Variants in NTN4 observed in about 807,000 individuals in gnomAD.
NTN4 encodes netrin-4.
Under a neutral mutation model 73.6 loss-of-function variants are expected in NTN4, and 32 were observed. The ratio of observed to expected loss-of-function variants is 0.44; its 90% CI spans 0.33 to 0.58. The LOEUF (loss-of-function observed/expected upper bound fraction) is 0.58. Among genes scored for constraint, NTN4 ranks in the 20% least tolerant of loss-of-function variants. NTN4 has a pLI of 0.04. For missense variants in NTN4, 654 were observed against 798.3 expected, an observed-to-expected ratio of 0.82 and a Z score of 2.18; for synonymous variants, 258 against 287.5, an observed-to-expected ratio of 0.90 and a Z score of 1.04.
rs558316689 is a variant in NTN4, at chr12:95,659,032, A to T, written c.*54T>A. Reference sequence around the variant, plus strand: ...TTCCTGTCTGAGGTCTTCTTGCTCTAAAGTTTGTGTTTTGTACATAGACAA... The same window carrying T: ...TTCCTGTCTGAGGTCTTCTTGCTCTTAAGTTTGTGTTTTGTACATAGACAA... On this transcript the variant is annotated 3_prime_UTR_variant, in exon 10 of 10. Transcript: ENST00000343702. 2 of 1,518,252 alleles carry T rather than the reference A, an allele frequency of 1.3e-6. No individual in the cohort carries two copies. Among genetic ancestry groups the T allele is most frequent in the Admixed American group, 4.4e-5 (2 of 45,462 alleles). The allele number at this position is 1,518,252 out of a possible 1,614,324, so 94.0% of individuals were successfully genotyped here. A position where few individuals can be genotyped will look rare whatever the true frequency, so the allele number is the denominator to read the frequency against.
intron 2 of NTN4, among the ~76,000 whole-genome samples, chr12:95,769,779 G>T (rs187717400): frequency 3.0e-4 from 36 of 120,746 alleles, no homozygotes; most frequent in South Asian, 1.4e-3. Context: ...TTTTTGAGAC[G>T]GAGTTTCACT....
chr12:95,753,554 C>T (rs2078925941), intron 2 of NTN4, among the ~76,000 whole-genome samples: 2 of 148,494 alleles, frequency 1.3e-5, no homozygotes, highest in South Asian at 2.2e-4. Context: ...CACCTCTATA[C>T]AGTCTGATAA....
chr12:95,668,394 AT>A (rs1362980160), intron 8 of NTN4, among the ~76,000 whole-genome samples: 1 of 152,206 alleles, frequency 6.6e-6, no homozygotes, highest in Non-Finnish European at 1.5e-5. Context: ...TTTGAACTAA[AT>A]TATCATATTC....
intron 3 of NTN4, among the ~76,000 whole-genome samples, chr12:95,726,202 T>C (rs1486320093): frequency 6.6e-6 from 1 of 152,170 alleles, no homozygotes; most frequent in Non-Finnish European, 1.5e-5. Flanking sequence ...GTACAGTCAT[T>C]ACCACCATCT....
intron 5 of NTN4, among the ~76,000 whole-genome samples, chr12:95,707,809 C>T (rs1360008586): frequency 6.6e-6 from 1 of 152,118 alleles, no homozygotes; most frequent in African/African-American, 2.4e-5. Flanking sequence ...CAAGGAAATG[C>T]TATATAACTG....
intron 2 of NTN4, among the ~76,000 whole-genome samples, chr12:95,753,247 T>C (rs1201141055): frequency 6.6e-6 from 1 of 151,714 alleles, no homozygotes; most frequent in Non-Finnish European, 1.5e-5. Flanking sequence ...TTCCTTTCCA[T>C]TGTGGAAATC....
chr12:95,776,508 A>G (rs1330638357), intron 2 of NTN4, among the ~76,000 whole-genome samples: 5 of 152,258 alleles, frequency 3.3e-5, no homozygotes, highest in African/African-American at 1.2e-4. Flanking sequence ...GAACTACGTG[A>G]CACATGCATA....
intron 2 of NTN4, among the ~76,000 whole-genome samples, chr12:95,761,816 G>GT (rs1460539494): frequency 1.3e-5 from 2 of 151,990 alleles, no homozygotes; most frequent in Admixed American, 6.6e-5. Flanking sequence ...TTAACACATA[G>GT]TTTTTTTCTT....
At chr12:95,739,517 A>G (rs2121181443) in intron 2 of NTN4, among the ~76,000 whole-genome samples, 1 of 152,338 alleles carries the variant, frequency 6.6e-6, no homozygotes, top group East Asian at 1.9e-4. Context: ...CAACAGCTAG[A>G]ACATGATTTT....
chr12:95,708,985 A>G (rs186115368), intron 5 of NTN4, among the ~76,000 whole-genome samples: 1 of 152,306 alleles, frequency 6.6e-6, no homozygotes, highest in African/African-American at 2.4e-5. Context: ...GCTGGGAGAA[A>G]TATTATGACA....
intron 1 of NTN4, among the ~76,000 whole-genome samples, chr12:95,788,919 T>C (rs946498703): frequency 6.6e-6 from 1 of 152,190 alleles, no homozygotes; most frequent in Non-Finnish European, 1.5e-5. Flanking sequence ...ACTTGCCTTG[T>C]GATGTTTATT....
chr12:95,672,793 C>T, intron 7 of NTN4: 2 of 1,324,946 alleles, frequency 1.5e-6, no homozygotes, highest in Non-Finnish European at 2.2e-6. Context: ...TGCCAGCGCT[C>T]TGCCCTTTTG....
chr12:95,662,013 A>G (rs1274513035), intron 9 of NTN4, among the ~76,000 whole-genome samples: 4 of 152,220 alleles, frequency 2.6e-5, no homozygotes, highest in South Asian at 2.1e-4. Context: ...GGTAAAGCTT[A>G]TTAACAGAAT....
In NTN4 at chr12:95,670,082, T is replaced by C. The variant is rs575261170; in HGVS notation, c.1575A>G (p.Ser525=). Residue 525 remains serine, a synonymous_variant, in exon 8 of 10, where the codon TCA becomes TCG. Transcript: ENST00000343702. ...ATTCAAGGATTTCAGACTCACCATA[T>C]GAATATTTCATTCCACAGAATGCCT... ...NAKAFCGMKY[S]YVLKIKILSA... 14 of 1,584,850 alleles carry C rather than the reference T, an allele frequency of 8.8e-6. No individual in the cohort carries two copies. In the East Asian group the frequency reaches 2.5e-4, roughly 28 times the overall value.
chr12:95,764,879 T>C (rs2079010656), intron 2 of NTN4, among the ~76,000 whole-genome samples: 2 of 152,126 alleles, frequency 1.3e-5, no homozygotes, highest in Non-Finnish European at 2.9e-5. Flanking sequence ...TAAGAGAGAT[T>C]TTTTTAAAGC....
intron 9 of NTN4, among the ~76,000 whole-genome samples, chr12:95,663,132 A>AG (rs2078151453): frequency 6.6e-6 from 1 of 151,808 alleles, no homozygotes. Flanking sequence ...AAAAAAGAAA[A>AG]AAAAAGAAAG....
chr12:95,727,679 C>T (rs1455920994), intron 3 of NTN4, among the ~76,000 whole-genome samples: 12 of 152,178 alleles, frequency 7.9e-5, no homozygotes, highest in African/African-American at 2.9e-4. Context: ...TTGGCCAGTA[C>T]CACACTGTTT....
At position 95,659,234 on chromosome 12, in the gene NTN4, C is replaced by A. The variant is rs1459498352; in HGVS notation, c.1751-12G>T. On this transcript the variant is annotated splice_polypyrimidine_tract_variant and intron_variant, in intron 9 of 9. Coordinates refer to ENST00000343702, the MANE Select transcript of NTN4 (RefSeq NM_021229.4). ...AAGGTATTCCAAACCTAAAAAAGAACAAAATTAGGGGCTATACAGTATCAT... is the reference window on the plus strand; with the variant it reads ...AAGGTATTCCAAACCTAAAAAAGAAAAAAATTAGGGGCTATACAGTATCAT... The A allele has an allele frequency of 1.9e-6, 3 of 1,604,004 alleles. No individual in the cohort carries two copies. Among genetic ancestry groups the A allele is most frequent in the Non-Finnish European group, 2.6e-6 (3 of 1,175,466 alleles).
intron 5 of NTN4, among the ~76,000 whole-genome samples, chr12:95,701,409 C>T (rs2078483850): frequency 6.6e-6 from 1 of 151,998 alleles, no homozygotes; most frequent in Non-Finnish European, 1.5e-5. Context: ...ATGCACTGTC[C>T]TTTCAAAAAT....
Sources: gnomAD v4.1 joint callset for allele counts (sites outside exome capture counted in the v4.1 genomes callset) on GRCh38, gnomAD v4.1.1 for gene constraint, MANE v1.5 for transcripts, NCBI Gene and HGNC (gene_info 2026-07-23, HGNC 2026-07-21) for gene names.